WDFY1: variants seen among roughly 807,000 people sequenced by gnomAD.
The protein encoded by WDFY1 is WD repeat and FYVE domain-containing protein 1.
Under a neutral mutation model 56.4 loss-of-function variants are expected in WDFY1, and 32 were observed. That is an observed-to-expected ratio of 0.57 (90% CI 0.43 to 0.76). WDFY1 has a LOEUF of 0.76. Ranked by LOEUF, WDFY1 falls within the 30% of genes least tolerant of loss-of-function variation. The pLI, the probability that WDFY1 is intolerant of heterozygous loss-of-function variation, is 0.00. For synonymous variants in WDFY1, 192 were observed against 197.3 expected (o/e 0.97, Z 0.23); for missense variants, 480 against 545.7 (o/e 0.88, Z 1.20).
chr2:223,931,187 T>C (rs1167909005), intron 1 of WDFY1, among the ~76,000 whole-genome samples: 1 of 152,236 alleles, frequency 6.6e-6, no homozygotes, highest in Non-Finnish European at 1.5e-5. Context: ...CAACTCTTAA[T>C]TGAAATACAG....
chr2:223,944,965 C>T (rs574887516), intron 1 of WDFY1, among the ~76,000 whole-genome samples, 183 bp downstream of exon 1: 1 of 151,980 alleles, frequency 6.6e-6, no homozygotes, highest in South Asian at 2.1e-4. Context: ...AGGTGCAAGT[C>T]GAGGCTGGAG....
chr2:223,938,232 C>T (rs574951285), intron 1 of WDFY1, among the ~76,000 whole-genome samples: 128 of 152,306 alleles, frequency 8.4e-4, no homozygotes, highest in African/African-American at 2.9e-3. Flanking sequence ...AGTATAAGTA[C>T]GTCCATCCAC....
At chr2:223,920,673 C>T (rs1226471111) in intron 1 of WDFY1, among the ~76,000 whole-genome samples, 3 of 152,202 alleles carry the variant, frequency 2.0e-5, no homozygotes, top group African/African-American at 7.2e-5. Flanking sequence ...AAAGTCTCAC[C>T]AGGCATGGCT....
At chr2:223,896,173 A>C (rs1009192784) in intron 6 of WDFY1, among the ~76,000 whole-genome samples, 1 of 148,216 alleles carries the variant, frequency 6.7e-6, no homozygotes, top group Non-Finnish European at 1.5e-5. Context: ...AAAAAAAAAA[A>C]AAAAAAAAAA....
chr2:223,911,569 CACACACACACACACACACACACACACA>C, intron 3 of WDFY1, among the ~76,000 whole-genome samples: 1 of 18,358 alleles, frequency 5.4e-5, no homozygotes, highest in East Asian at 7.0e-4. Flanking sequence ...TGAATGACCA[CACACACACACACACACACACACACACA>C]CACACACACA....
At chr2:223,895,386 AT>A in intron 7 of WDFY1, 117 bp downstream of exon 7, 2 of 1,478,512 alleles carry the variant, frequency 1.4e-6, no homozygotes, top group Non-Finnish European at 1.9e-6. Flanking sequence ...AGCCCTATCA[AT>A]GATAATTGCC....
intron 1 of WDFY1, among the ~76,000 whole-genome samples, chr2:223,933,788 C>G (rs71353861): frequency 8.1e-6 from 1 of 124,086 alleles, no homozygotes; most frequent in African/African-American, 3.2e-5. Flanking sequence ...GAGACCCCCC[C>G]CCATCTCTAC....
intron 9 of WDFY1, 142 bp downstream of exon 9, chr2:223,884,506 T>A: frequency 1.3e-6 from 1 of 764,020 alleles, no homozygotes; most frequent in Non-Finnish European, 2.2e-6. Flanking sequence ...TCATTGTTAG[T>A]CACACAATGA....
intron 1 of WDFY1, among the ~76,000 whole-genome samples, chr2:223,943,310 C>A (rs1689346257): frequency 6.6e-6 from 1 of 152,144 alleles, no homozygotes; most frequent in South Asian, 2.1e-4. Context: ...CAGGTCCTGC[C>A]AATCACTCCC....
At chr2:223,926,617 ATGTG>A (rs918661567) in intron 1 of WDFY1, among the ~76,000 whole-genome samples, 4 of 151,174 alleles carry the variant, frequency 2.6e-5, no homozygotes, top group Non-Finnish European at 4.4e-5. Context: ...TTACATATAT[ATGTG>A]TGTGTATTTC....
At chr2:223,886,254 A>G (rs1199489349) in intron 8 of WDFY1, among the ~76,000 whole-genome samples, 1 of 152,000 alleles carries the variant, frequency 6.6e-6, no homozygotes, top group Non-Finnish European at 1.5e-5. Context: ...CAGAAGAATC[A>G]CTTGAACCCA....
At chr2:223,886,686 C>A (rs571202349) in intron 8 of WDFY1, among the ~76,000 whole-genome samples, 2 of 145,320 alleles carry the variant, frequency 1.4e-5, no homozygotes, top group African/African-American at 5.1e-5. Context: ...GCAGAGATTG[C>A]ACCACGGCAC....
intron 8 of WDFY1, among the ~76,000 whole-genome samples, chr2:223,886,994 G>C (rs986332767): frequency 2.6e-5 from 4 of 152,058 alleles, no homozygotes; most frequent in African/African-American, 2.4e-5. Context: ...GGTGCAGAAG[G>C]CACTCACAAG....
chr2:223,902,147 C>T (rs1693517480), intron 4 of WDFY1, among the ~76,000 whole-genome samples: 2 of 152,200 alleles, frequency 1.3e-5, no homozygotes, highest in South Asian at 4.1e-4. Context: ...TTAGGAAGAA[C>T]TGAGGGACTC....
chr2:223,925,594 G>C (rs1693966659), intron 1 of WDFY1, among the ~76,000 whole-genome samples: 1 of 152,168 alleles, frequency 6.6e-6, no homozygotes, highest in South Asian at 2.1e-4. Flanking sequence ...GAAGTTTGTT[G>C]CATCGATTGA....
intron 1 of WDFY1, among the ~76,000 whole-genome samples, chr2:223,940,991 T>C (rs1287883304): frequency 6.6e-6 from 1 of 152,132 alleles, no homozygotes; most frequent in South Asian, 2.1e-4. Context: ...CCCAGCTAAT[T>C]TTGTATTTTT....
intron 8 of WDFY1, among the ~76,000 whole-genome samples, chr2:223,886,317 C>T (rs775768059): frequency 1.2e-4 from 18 of 151,928 alleles, no homozygotes; most frequent in African/African-American, 2.9e-4. Context: ...CTAGTCTGGG[C>T]GACAAGAGCA....
intron 2 of WDFY1, among the ~76,000 whole-genome samples, chr2:223,914,299 G>A (rs16841544): frequency 0.012 from 1,846 of 152,158 alleles, 68 homozygotes; most frequent in East Asian, 0.11. Context: ...GCCCAGCCAA[G>A]TCAATGAACT....
intron 2 of WDFY1, among the ~76,000 whole-genome samples, chr2:223,917,561 A>G (rs1260709657): frequency 6.6e-6 from 1 of 152,110 alleles, no homozygotes; most frequent in African/African-American, 2.4e-5. Flanking sequence ...ATATTTAATC[A>G]GACATTTTGA....
Sources: allele counts gnomAD v4.1 joint callset (sites outside exome capture counted in the v4.1 genomes callset), GRCh38; gene constraint gnomAD v4.1.1; transcripts MANE v1.5; gene names NCBI Gene and HGNC (gene_info 2026-07-23, HGNC 2026-07-21).